TASP1: variants seen among roughly 807,000 people sequenced by gnomAD.
The protein encoded by TASP1 is taspase 1.
In TASP1, 16 loss-of-function variants were observed where a neutral mutation model predicts 56.6. The ratio of observed to expected loss-of-function variants is 0.28; its 90% CI spans 0.19 to 0.43. The LOEUF (loss-of-function observed/expected upper bound fraction) is 0.43, where lower values mean the gene tolerates loss of function less well. Ranked by LOEUF, TASP1 falls within the 20% of genes least tolerant of loss-of-function variation. The probability of loss-of-function intolerance (pLI) is 1.00; values close to 1 mark genes in which losing one functional copy is unlikely to be tolerated. For missense variants in TASP1, 393 were observed against 511.6 expected, an observed-to-expected ratio of 0.77 and a Z score of 2.24; for synonymous variants, 179 against 184.2, an observed-to-expected ratio of 0.97 and a Z score of 0.23.
intron 10 of TASP1, among the ~76,000 whole-genome samples, chr20:13,524,967 T>C (rs2044915635): frequency 6.6e-6 from 1 of 152,208 alleles, no homozygotes; most frequent in South Asian, 2.1e-4. Flanking sequence ...GAAATGGCAA[T>C]GAGGCATGAC....
At chr20:13,313,435 T>C in the TASP1 span, among the ~76,000 whole-genome samples, 373 of 152,324 alleles carry the variant, frequency 2.4e-3, 13 homozygotes, top group East Asian at 0.066. Context: ...CCTGTTCAAA[T>C]AAGGTAAACA....
chr20:13,492,166 G>A (rs1475589937), intron 10 of TASP1, among the ~76,000 whole-genome samples: 1 of 152,098 alleles, frequency 6.6e-6, no homozygotes, highest in East Asian at 1.9e-4. Flanking sequence ...CACACCACAC[G>A]TCTCCAAGGA....
chr20:13,630,542 T>C (rs62207642), intron 1 of TASP1, among the ~76,000 whole-genome samples: 5,669 of 151,164 alleles, frequency 0.038, 152 homozygotes, highest in Non-Finnish European at 0.052. Context: ...TACAAAAAAT[T>C]TAGCTGGTGT....
At chr20:13,221,354 G>T in the TASP1 span, among the ~76,000 whole-genome samples, 1 of 147,802 alleles carries the variant, frequency 6.8e-6, no homozygotes, top group Non-Finnish European at 1.5e-5. Context: ...GCGCCCATGT[G>T]CGCTCGGGGG....
At chr20:13,200,012 T>C in the TASP1 span, among the ~76,000 whole-genome samples, 1 of 152,204 alleles carries the variant, frequency 6.6e-6, no homozygotes, top group African/African-American at 2.4e-5. Context: ...TTAAAATTAT[T>C]CCAAATAGAT....
At chr20:13,279,844 G>A in the TASP1 span, 19 of 1,613,720 alleles carry the variant, frequency 1.2e-5, 1 homozygote, top group Middle Eastern at 1.6e-4. Flanking sequence ...CAGGGGGTGG[G>A]ACCATACAGC....
chr20:13,157,555 C>G, the TASP1 span, among the ~76,000 whole-genome samples: 2 of 152,086 alleles, frequency 1.3e-5, no homozygotes, highest in African/African-American at 2.4e-5. Context: ...CACAACCTCT[C>G]AAGCTTTAGT....
chr20:13,491,207 A>G (rs2043513986), intron 10 of TASP1, among the ~76,000 whole-genome samples: 1 of 152,180 alleles, frequency 6.6e-6, no homozygotes, highest in African/African-American at 2.4e-5. Context: ...TATGGTAAAG[A>G]TTTCTCTTAG....
At chr20:13,472,756 A>C (rs6074612) in intron 11 of TASP1, among the ~76,000 whole-genome samples, 55,439 of 150,916 alleles carry the variant, frequency 0.37, 11,999 homozygotes, top group Non-Finnish European at 0.44. Context: ...ACTGCTCATC[A>C]GAGAAATACA....
At position 13,588,294 on chromosome 20, in the gene TASP1, GAAGGAAGGAAGGAAGAGAAAGAA is replaced by G. The variant is rs879273241; in HGVS notation, c.283-947_283-925del. Among the ~76,000 whole-genome samples, 1,015 of 117,314 alleles carry G rather than the reference GAAGGAAGGAAGGAAGAGAAAGAA, an allele frequency of 8.7e-3. 10 individuals are homozygous for G. The highest frequency in any genetic ancestry group is 0.025 in the South Asian group (101 of 3,984). The allele number at this position is 117,314 out of a possible 152,430, so 77.0% of individuals were successfully genotyped here. A position where few individuals can be genotyped will look rare whatever the true frequency, so the allele number is the denominator to read the frequency against. ...GGAAGGAAGGAAGGAAGGAAGGAAGGAAGGAAGGAAGGAAGAGAAAGAAAAGGAAGGAAGGAAGGAAGGAAGGA... is the reference window on the plus strand; with the variant it reads ...GGAAGGAAGGAAGGAAGGAAGGAAGGAAGGAAGGAAGGAAGGAAGGAAGGA... On this transcript the variant is annotated intron_variant, in intron 4 of 13. Transcript: ENST00000337743.
At chr20:13,306,564 C>CAAAAAAAAAAAAAAAAAAAAAAAGAA in the TASP1 span, among the ~76,000 whole-genome samples, 1 of 63,914 alleles carries the variant, frequency 1.6e-5, no homozygotes, top group African/African-American at 7.2e-5. Flanking sequence ...GGAGAAAGGA[C>CAAAAAAAAAAAAAAAAAAAAAAAGAA]AAAAAAAAAA....
At chr20:13,358,144 G>A in the TASP1 span, among the ~76,000 whole-genome samples, 5 of 152,204 alleles carry the variant, frequency 3.3e-5, no homozygotes, top group South Asian at 4.2e-4. Flanking sequence ...ACTCCTGCCC[G>A]CCAGAGAACA....
At chr20:13,367,855 G>A in the TASP1 span, among the ~76,000 whole-genome samples, 1 of 151,824 alleles carries the variant, frequency 6.6e-6, no homozygotes, top group African/African-American at 2.4e-5. Flanking sequence ...CAGATGATGG[G>A]AAAAAAATGA....
the TASP1 span, among the ~76,000 whole-genome samples, chr20:13,345,916 TAAAAAAAAA>T: frequency 9.1e-4 from 92 of 101,332 alleles, no homozygotes; most frequent in African/African-American, 2.7e-3. Context: ...CTCAGTAGGT[TAAAAAAAAA>T]AAAAAAAAAA....
intron 13 of TASP1, among the ~76,000 whole-genome samples, chr20:13,399,334 T>C (rs2041655025): frequency 6.6e-6 from 1 of 152,178 alleles, no homozygotes; most frequent in Admixed American, 6.5e-5. Flanking sequence ...TAGTCCTTTC[T>C]CCTAAACTCC....
At chr20:13,121,605 G>A in the TASP1 span, among the ~76,000 whole-genome samples, 1 of 152,212 alleles carries the variant, frequency 6.6e-6, no homozygotes, top group Admixed American at 6.5e-5. Flanking sequence ...AAGAAGACAC[G>A]ACCCAGACTC....
intron 10 of TASP1, among the ~76,000 whole-genome samples, chr20:13,504,008 A>G (rs547274828): frequency 6.6e-6 from 1 of 152,188 alleles, no homozygotes; most frequent in East Asian, 1.9e-4. Context: ...CAAACAGGAG[A>G]AGAGAAAGAG....
chr20:13,527,154 A>G (rs1236236156), intron 10 of TASP1, among the ~76,000 whole-genome samples: 1 of 152,134 alleles, frequency 6.6e-6, no homozygotes, highest in African/African-American at 2.4e-5. Context: ...TCTATGAAGA[A>G]GGCCAAGATG....
the TASP1 span, among the ~76,000 whole-genome samples, chr20:13,343,801 C>A: frequency 3.3e-5 from 5 of 152,158 alleles, no homozygotes; most frequent in African/African-American, 1.2e-4. Flanking sequence ...TGCATCCTGA[C>A]TATAGAAAGA....
Sources: gnomAD v4.1 joint callset for allele counts (sites outside exome capture counted in the v4.1 genomes callset) on GRCh38, gnomAD v4.1.1 for gene constraint, MANE v1.5 for transcripts, NCBI Gene and HGNC (gene_info 2026-07-23, HGNC 2026-07-21) for gene names.